Variants in SZRD1 observed in about 807,000 individuals in gnomAD.
The protein encoded by SZRD1 is SUZ RNA-binding domain-containing.
SZRD1 carries 7 observed loss-of-function variants against 17.6 expected under a neutral mutation model. The observed-to-expected ratio is 0.40, with a 90% CI of 0.23 to 0.75. The LOEUF (loss-of-function observed/expected upper bound fraction) is 0.75. Among genes scored for constraint, SZRD1 ranks in the 30% least tolerant of loss-of-function variants. SZRD1 has a pLI of 0.38. For missense variants in SZRD1, 178 were observed against 201.8 expected (o/e 0.88, Z 0.71); for synonymous variants, 77 against 77.9 (o/e 0.99, Z 0.06).
intron 3 of SZRD1, 135 bp from the exon 4 acceptor site, chr1:16,394,903 G>A (rs557514492): frequency 2.3e-5 from 14 of 620,860 alleles, no homozygotes; most frequent in South Asian, 1.8e-4. Flanking sequence ...TGCAGTGAGC[G>A]GAGATCGTGC....
At chr1:16,368,667 G>A (rs1333396580) in intron 1 of SZRD1, among the ~76,000 whole-genome samples, 2 of 152,138 alleles carry the variant, frequency 1.3e-5, no homozygotes, top group African/African-American at 4.8e-5. Context: ...GCATTTTTGA[G>A]TGTCTGCTAT....
intron 1 of SZRD1, among the ~76,000 whole-genome samples, chr1:16,384,685 T>C (rs2083159513): frequency 6.6e-6 from 1 of 152,244 alleles, no homozygotes; most frequent in Non-Finnish European, 1.5e-5. Context: ...GCTGGCTGTG[T>C]GGGAGTTCAG....
intron 1 of SZRD1, among the ~76,000 whole-genome samples, chr1:16,386,435 A>G (rs2085121546): frequency 6.6e-6 from 1 of 152,180 alleles, no homozygotes; most frequent in South Asian, 2.1e-4. Context: ...CCATTGGGCT[A>G]TTGCATCTCT....
rs143376902 is a variant in SZRD1, at chr1:16,382,385, A to G, written c.52-8990A>G. Among the ~76,000 whole-genome samples the G allele has an allele frequency of 9.0e-3, 1,373 of 151,802 alleles. 15 individuals are homozygous for G. Among genetic ancestry groups the G allele is most frequent in the African/African-American group, 0.032 (1,318 of 41,388 alleles). ...ATGTTTTTAGTAGAAATAGGGTTTC[A>G]CCATGTTGGCCAGGCTGGTCTGGAA... On this transcript the variant is annotated intron_variant, in intron 1 of 3. Coordinates refer to ENST00000401088, the MANE Select transcript of SZRD1 (RefSeq NM_001114600.3).
chr1:16,383,818 C>T (rs1479506323), intron 1 of SZRD1, among the ~76,000 whole-genome samples: 2 of 151,996 alleles, frequency 1.3e-5, no homozygotes, highest in Non-Finnish European at 2.9e-5. Context: ...TAGGGTTTCA[C>T]CATGTTGGCC....
At chr1:16,376,544 G>A (rs1217185585) in intron 1 of SZRD1, among the ~76,000 whole-genome samples, 1 of 152,138 alleles carries the variant, frequency 6.6e-6, no homozygotes, top group Non-Finnish European at 1.5e-5. Context: ...ATTGGGTCAC[G>A]CCTGTAATCC....
chr1:16,372,807 A>T (rs2082936458), intron 1 of SZRD1, among the ~76,000 whole-genome samples: 2 of 152,192 alleles, frequency 1.3e-5, no homozygotes, highest in African/African-American at 4.8e-5. Flanking sequence ...AGGTGTCATT[A>T]AACATTAAAT....
At chr1:16,387,701 A>G (rs1450616978) in intron 1 of SZRD1, 2 of 456,726 alleles carry the variant, frequency 4.4e-6, no homozygotes, top group Non-Finnish European at 8.8e-6. Context: ...TATGATGGAG[A>G]AACTCGAATA....
At chr1:16,387,954 A>G (rs2085154560) in intron 1 of SZRD1, among the ~76,000 whole-genome samples, 1 of 152,180 alleles carries the variant, frequency 6.6e-6, no homozygotes, top group Admixed American at 6.5e-5. Flanking sequence ...GTTCACAGAA[A>G]ACATCCAGGT....
chr1:16,372,302 G>T (rs545196995), intron 1 of SZRD1, among the ~76,000 whole-genome samples: 8 of 152,066 alleles, frequency 5.3e-5, no homozygotes, highest in Admixed American at 3.9e-4. Context: ...GTGAAACCCC[G>T]TCTCTATTAA....
At chr1:16,370,995 G>A (rs1340573456) in intron 1 of SZRD1, among the ~76,000 whole-genome samples, 2 of 152,166 alleles carry the variant, frequency 1.3e-5, no homozygotes, top group African/African-American at 2.4e-5. Context: ...AGGCAATTGC[G>A]TAAAAGTCTT....
At chr1:16,367,439 G>GC (rs1243291525) in intron 1 of SZRD1, 131 bp downstream of exon 1, 3 of 828,818 alleles carry the variant, frequency 3.6e-6, no homozygotes, top group Non-Finnish European at 3.6e-6. Context: ...TGGTGGAGAG[G>GC]CCCCCAGTTC....
Position 16,395,868 on chromosome 1 carries a change from C to T in SZRD1, c.*728C>T, listed in dbSNP as rs1404241336. Reference sequence around the variant, plus strand: ...GACAGACGAGCACCCCATGCCTATACCTCCCTCCCCGAGCTAAGTCCCAGG... The same window carrying T: ...GACAGACGAGCACCCCATGCCTATATCTCCCTCCCCGAGCTAAGTCCCAGG... On this transcript the variant is annotated 3_prime_UTR_variant, in exon 4 of 4. Coordinates refer to ENST00000401088, the MANE Select transcript of SZRD1 (RefSeq NM_001114600.3). 1 of 152,854 alleles carries T rather than the reference C, an allele frequency of 6.5e-6. No homozygotes were observed. Among genetic ancestry groups the T allele is most frequent in the Non-Finnish European group, 1.5e-5 (1 of 68,228 alleles). 9.5% of individuals were successfully genotyped at this position (152,854 alleles called of 1,614,324 possible). A position where few individuals can be genotyped will look rare whatever the true frequency, so the allele number is the denominator to read the frequency against.
intron 1 of SZRD1, among the ~76,000 whole-genome samples, chr1:16,383,088 AC>A (rs1436156237): frequency 6.6e-6 from 1 of 151,938 alleles, no homozygotes; most frequent in Non-Finnish European, 1.5e-5. Flanking sequence ...CTGGTCTGGA[AC>A]TCCTGACCTC....
At chr1:16,388,678 C>CTTTTTTTTTTTTT (rs950662267) in intron 1 of SZRD1, among the ~76,000 whole-genome samples, 2 of 92,164 alleles carry the variant, frequency 2.2e-5, no homozygotes, top group Non-Finnish European at 4.1e-5. Flanking sequence ...AAGAATAAGT[C>CTTTTTTTTTTTTT]TTTTTTTTTT....
rs867028150 is a variant in SZRD1 at position 16,380,004 on chromosome 1, G to A, written c.52-11371G>A. On this transcript the variant is annotated intron_variant, in intron 1 of 3. Coordinates refer to ENST00000401088, the MANE Select transcript of SZRD1 (RefSeq NM_001114600.3). ...GATTGTTCTTTAATTCGTGTGTTGG[G>A]TACTATTTTAGACATTGGACAAATG... Among the ~76,000 whole-genome samples, 32 of 152,118 alleles carry A rather than the reference G, an allele frequency of 2.1e-4. 2 individuals carry two copies. The South Asian group carries it at 3.9e-3, about 19-fold the overall frequency.
chr1:16,383,682 C>T (rs1228077897), intron 1 of SZRD1, among the ~76,000 whole-genome samples: 25 of 143,236 alleles, frequency 1.7e-4, no homozygotes, highest in African/African-American at 6.3e-4. Context: ...TGCAGTGGTG[C>T]AATCTCAGCT....
At position 16,393,517 on chromosome 1, in the gene SZRD1, T is replaced by C. The variant is rs2085251180; in HGVS notation, c.356+35T>C. On this transcript the variant is annotated intron_variant, in intron 3 of 3. Transcript: ENST00000401088. The surrounding 1 kb of genome is among the most constrained non-coding windows in gnomAD (Gnocchi z 5.6). ...GCTGGCAGGGCCGGCCAGTGATGGCTGTCCCAGTCCACCCGGGAAGAGGAG... is the reference window on the plus strand; with the variant it reads ...GCTGGCAGGGCCGGCCAGTGATGGCCGTCCCAGTCCACCCGGGAAGAGGAG... The C allele has an allele frequency of 6.3e-7, 1 of 1,575,892 alleles. No individual in the cohort carries two copies. The highest frequency in any genetic ancestry group is 1.4e-5 in the African/African-American group (1 of 73,938).
rs1190481180 is a variant in SZRD1 at position 16,391,172 on chromosome 1, C to T, written c.52-203C>T. ...ACAATGAGGTTTAGAACTGTCATGG[C>T]GGCCATGGGGCTAGAAGGGAGATGG... On this transcript the variant is annotated intron_variant, in intron 1 of 3. Transcript: ENST00000401088. The surrounding 1 kb of genome is among the most constrained non-coding windows in gnomAD (Gnocchi z 4.3). Among the ~76,000 whole-genome samples, 2 of 152,046 alleles carry T rather than the reference C, an allele frequency of 1.3e-5. No homozygotes were observed. Among genetic ancestry groups the T allele is most frequent in the African/African-American group, 4.8e-5 (2 of 41,398 alleles).
Sources: allele counts gnomAD v4.1 joint callset (sites outside exome capture counted in the v4.1 genomes callset), GRCh38; gene constraint gnomAD v4.1.1; non-coding constraint Gnocchi (gnomAD v3.1); transcripts MANE v1.5; gene names NCBI Gene and HGNC (gene_info 2026-07-23, HGNC 2026-07-21).